The following SEPTIN10 variants were observed in gnomAD, a reference collection of about 807,000 sequenced individuals.
SEPTIN10 encodes the protein septin 10, also known as septin-10.
A neutral mutation model predicts 54.8 loss-of-function variants in SEPTIN10; 66 were observed. The observed-to-expected ratio is 1.21, with a 90% CI of 0.99 to 1.48. The LOEUF is 1.48. SEPTIN10 is among the 40% of genes most tolerant of loss of function. The pLI, the probability that SEPTIN10 is intolerant of heterozygous loss-of-function variation, is 0.00. For synonymous variants in SEPTIN10, 161 were observed against 181.0 expected (o/e 0.89, Z 0.89); for missense variants, 620 against 545.6 (o/e 1.14, Z -1.36).
chr2:109,568,340 T>C (rs990674719), intron 5 of SEPTIN10, among the ~76,000 whole-genome samples: 4 of 151,406 alleles, frequency 2.6e-5, no homozygotes, highest in Non-Finnish European at 4.4e-5. Flanking sequence ...ACACCCCTTA[T>C]ACACTCATTC....
chr2:109,559,835 C>CA (rs2105007887), intron 8 of SEPTIN10, among the ~76,000 whole-genome samples: 1 of 148,168 alleles, frequency 6.7e-6, no homozygotes, highest in South Asian at 2.2e-4. Flanking sequence ...AGAGCTGGAA[C>CA]AAAAATGGTT....
chr2:109,558,927 C>G (rs1364417398), intron 8 of SEPTIN10, among the ~76,000 whole-genome samples: 2 of 152,058 alleles, frequency 1.3e-5, no homozygotes, highest in South Asian at 4.2e-4. Flanking sequence ...GCTCTGTTGC[C>G]CAGGCTGGAG....
chr2:109,577,912 C>CAAAAA (rs745439822), intron 4 of SEPTIN10, among the ~76,000 whole-genome samples: 1 of 92,340 alleles, frequency 1.1e-5, no homozygotes, highest in Non-Finnish European at 2.1e-5. Context: ...GACTTTGTCT[C>CAAAAA]AAAAAAAAAA....
chr2:109,570,370 C>G (rs1297243861), intron 5 of SEPTIN10, among the ~76,000 whole-genome samples: 1 of 152,090 alleles, frequency 6.6e-6, no homozygotes, highest in African/African-American at 2.4e-5. Flanking sequence ...ACAGTTGCCC[C>G]CCTCATCATC....
chr2:109,556,206 A>AT (rs1461420506), intron 8 of SEPTIN10, among the ~76,000 whole-genome samples: 1 of 152,202 alleles, frequency 6.6e-6, no homozygotes, highest in African/African-American at 2.4e-5. Flanking sequence ...TGGAGGTATA[A>AT]TAAGCCTTCT....
chr2:109,586,316 G>A (rs1692524388), intron 2 of SEPTIN10, among the ~76,000 whole-genome samples: 1 of 152,166 alleles, frequency 6.6e-6, no homozygotes, highest in Non-Finnish European at 1.5e-5. Context: ...ACCCTTTTAA[G>A]TCACTAGAGT....
At chr2:109,564,116 GCCTCTGC>G (rs1358079064) in intron 8 of SEPTIN10, 7 of 364,872 alleles carry the variant, frequency 1.9e-5, no homozygotes, top group Non-Finnish European at 3.4e-5. Context: ...GAAACAGGGG[GCCTCTGC>G]CATACATTCT....
At chr2:109,612,534 T>A (rs934400418) in intron 1 of SEPTIN10, among the ~76,000 whole-genome samples, 2 of 152,200 alleles carry the variant, frequency 1.3e-5, no homozygotes, top group African/African-American at 4.8e-5. Flanking sequence ...TAACGCAAAA[T>A]ACAGTTTAAT....
chr2:109,547,810 C>A (rs1681697938), intron 9 of SEPTIN10, among the ~76,000 whole-genome samples: 1 of 152,172 alleles, frequency 6.6e-6, no homozygotes, highest in Non-Finnish European at 1.5e-5. Context: ...TGAGTAAGCA[C>A]TCGATAAATA....
intron 9 of SEPTIN10, among the ~76,000 whole-genome samples, chr2:109,551,476 A>G (rs1558702995): frequency 6.6e-6 from 1 of 152,222 alleles, no homozygotes; most frequent in Non-Finnish European, 1.5e-5. Flanking sequence ...TTCAAAAACA[A>G]AAACAGAAAA....
At chr2:109,552,959 T>C in intron 9 of SEPTIN10, 128 bp downstream of exon 9, 3 of 1,058,064 alleles carry the variant, frequency 2.8e-6, no homozygotes, top group Non-Finnish European at 1.4e-6. Flanking sequence ...TACTATGTGT[T>C]GGAAAAGCTA....
chr2:109,596,310 C>T (rs1334328063), intron 1 of SEPTIN10, among the ~76,000 whole-genome samples: 2 of 152,050 alleles, frequency 1.3e-5, no homozygotes, highest in African/African-American at 4.8e-5. Flanking sequence ...GTAAAATTTG[C>T]TTAGAAAAAA....
intron 4 of SEPTIN10, among the ~76,000 whole-genome samples, chr2:109,582,233 C>T (rs903173681): frequency 2.0e-5 from 3 of 152,084 alleles, no homozygotes; most frequent in Admixed American, 2.0e-4. Flanking sequence ...TGAAAAAATG[C>T]TCATGGAATC....
intron 1 of SEPTIN10, among the ~76,000 whole-genome samples, chr2:109,603,594 T>C (rs774241075): frequency 2.0e-4 from 30 of 152,226 alleles, no homozygotes; most frequent in East Asian, 7.8e-4. Context: ...AGACCCCAGG[T>C]ATTGTGGATC....
chr2:109,591,368 T>C (rs530858964), intron 2 of SEPTIN10, among the ~76,000 whole-genome samples: 3 of 152,070 alleles, frequency 2.0e-5, no homozygotes, highest in Non-Finnish European at 2.9e-5. Context: ...GTGGTCCCCA[T>C]GATGTAACAC....
chr2:109,565,947 T>A (rs1573519472), intron 6 of SEPTIN10, 88 bp from the exon 7 acceptor site: 2 of 1,179,452 alleles, frequency 1.7e-6, no homozygotes, highest in South Asian at 1.2e-5. Flanking sequence ...AAGAGAATAA[T>A]TAAATAACAA....
At chr2:109,555,977 C>T (rs1684276970) in intron 8 of SEPTIN10, among the ~76,000 whole-genome samples, 1 of 152,226 alleles carries the variant, frequency 6.6e-6, no homozygotes, top group African/African-American at 2.4e-5. Flanking sequence ...CTGCCCATCT[C>T]TCCCTTCTCA....
At chr2:109,604,901 G>A (rs1005376848) in intron 1 of SEPTIN10, 3 of 152,250 alleles carry the variant, frequency 2.0e-5, no homozygotes, top group African/African-American at 4.8e-5. Flanking sequence ...CTGAGTCCAA[G>A]TGACTCAAAC....
chr2:109,570,615 C>G (rs1688138456), intron 5 of SEPTIN10, among the ~76,000 whole-genome samples: 1 of 133,700 alleles, frequency 7.5e-6, no homozygotes, highest in African/African-American at 2.7e-5. Context: ...ACCTCCGCCT[C>G]CCAAGTTCAA....
Sources: allele counts gnomAD v4.1 joint callset (sites outside exome capture counted in the v4.1 genomes callset), GRCh38; gene constraint gnomAD v4.1.1; transcripts MANE v1.5; gene names NCBI Gene and HGNC (gene_info 2026-07-23, HGNC 2026-07-21).